The following PATJ variants were observed in gnomAD, a reference collection of about 807,000 sequenced individuals.
The protein encoded by PATJ is inaD-like protein.
Under a neutral mutation model 224.9 loss-of-function variants are expected in PATJ, and 190 were observed. The observed-to-expected ratio is 0.84, with a 90% confidence interval of 0.75 to 0.95. The LOEUF (loss-of-function observed/expected upper bound fraction) is 0.95. Among genes scored for constraint, PATJ ranks in the 40% least tolerant of loss-of-function variants. The pLI is 0.00. For missense variants in PATJ, 2,121 were observed against 2,270.3 expected, an observed-to-expected ratio of 0.93 and a Z score of 1.34; for synonymous variants, 769 against 820.3, an observed-to-expected ratio of 0.94 and a Z score of 1.07.
intron 7 of PATJ, among the ~76,000 whole-genome samples, chr1:61,786,871 A>C (rs1329763965): frequency 6.6e-6 from 1 of 152,044 alleles, no homozygotes; most frequent in African/African-American, 2.4e-5. Context: ...CTGTAATCCC[A>C]GCTGCTCAGG....
At chr1:61,963,586 ACT>A (rs921284292) in intron 27 of PATJ, among the ~76,000 whole-genome samples, 3 of 152,010 alleles carry the variant, frequency 2.0e-5, no homozygotes, top group African/African-American at 4.8e-5. Flanking sequence ...ACAGAGTGAG[ACT>A]CTGTCTCAAA....
chr1:61,972,465 A>G (rs1683115195), intron 27 of PATJ, among the ~76,000 whole-genome samples: 4 of 152,102 alleles, frequency 2.6e-5, no homozygotes. Context: ...TTCATTTAAA[A>G]GTTAAATGTT....
intron 18 of PATJ, among the ~76,000 whole-genome samples, chr1:61,856,706 A>G (rs1663729474): frequency 6.6e-6 from 1 of 152,134 alleles, no homozygotes; most frequent in African/African-American, 2.4e-5. Flanking sequence ...CTCCTGCCTC[A>G]GCCTCTCAAG....
chr1:61,755,535 T>C (rs2148226361), intron 1 of PATJ, among the ~76,000 whole-genome samples: 1 of 152,268 alleles, frequency 6.6e-6, no homozygotes, highest in South Asian at 2.1e-4. Flanking sequence ...ATTATCAGAA[T>C]TACATTTTAA....
chr1:61,924,048 G>C (rs893528330), intron 26 of PATJ, among the ~76,000 whole-genome samples: 1 of 151,636 alleles, frequency 6.6e-6, no homozygotes, highest in Non-Finnish European at 1.5e-5. Flanking sequence ...TTTGCATTAC[G>C]TAGAGTGAAA....
chr1:61,762,811 A>G (rs1338899623), intron 1 of PATJ, 47 bp from the exon 2 acceptor site: 8 of 794,446 alleles, frequency 1.0e-5, no homozygotes, highest in African/African-American at 5.2e-5. Flanking sequence ...GATTGTAGCC[A>G]TATACAATTG....
intron 28 of PATJ, among the ~76,000 whole-genome samples, chr1:62,002,706 T>C (rs1230481120): frequency 4.4e-5 from 4 of 91,948 alleles, no homozygotes; most frequent in Non-Finnish European, 7.8e-5. Flanking sequence ...CGAAACTCTG[T>C]CTCAAAAAAA....
At chr1:61,809,247 G>A (rs1174386128) in intron 14 of PATJ, among the ~76,000 whole-genome samples, 1 of 152,076 alleles carries the variant, frequency 6.6e-6, no homozygotes, top group East Asian at 1.9e-4. Flanking sequence ...CCTTGTAGGC[G>A]GCCTCCTCAA....
chr1:62,136,479 G>T (rs1666879214), intron 41 of PATJ, among the ~76,000 whole-genome samples: 1 of 129,780 alleles, frequency 7.7e-6, no homozygotes, highest in Admixed American at 7.3e-5. Flanking sequence ...GGCTTTTCTT[G>T]TGTGTGTGTG....
intron 28 of PATJ, among the ~76,000 whole-genome samples, chr1:62,016,927 C>T (rs1317609939): frequency 6.6e-6 from 1 of 152,136 alleles, no homozygotes; most frequent in Admixed American, 6.5e-5. Flanking sequence ...TTTAAGGAAT[C>T]TGGGAAAGCT....
At position 62,143,438 on chromosome 1, in the gene PATJ, A is replaced by ATTTTTT. The variant is rs34127211; in HGVS notation, c.5272-4821_5272-4816dup. Among the ~76,000 whole-genome samples the ATTTTTT allele has an allele frequency of 4.4e-4, 33 of 74,318 alleles. 2 individuals are homozygous for ATTTTTT. The highest frequency in any genetic ancestry group is 9.6e-3 in the Middle Eastern group (1 of 104). 48.8% of individuals were successfully genotyped at this position (74,318 alleles called of 152,430 possible). ...TTGGATATCACAGACTAAGCTGGGA[A>ATTTTTT]TTTTTTTTTTTTTTTTTTTTTTTTT... On this transcript the variant is annotated intron_variant, in intron 41 of 43. Coordinates refer to ENST00000642238, the MANE Select transcript of PATJ (RefSeq NM_001350145.3).
At chr1:61,762,451 A>C (rs779757732) in intron 1 of PATJ, among the ~76,000 whole-genome samples, 3 of 152,174 alleles carry the variant, frequency 2.0e-5, no homozygotes, top group Non-Finnish European at 2.9e-5. Context: ...TTTGTAAATA[A>C]AAATGCTGTA....
At chr1:61,826,157 A>G (rs561076978) in intron 15 of PATJ, among the ~76,000 whole-genome samples, 1 of 152,212 alleles carries the variant, frequency 6.6e-6, no homozygotes, top group African/African-American at 2.4e-5. Flanking sequence ...TAAATAATTA[A>G]GAGGCAGGGA....
At chr1:61,773,748 T>C (rs749737141) in intron 6 of PATJ, among the ~76,000 whole-genome samples, 49 of 151,298 alleles carry the variant, frequency 3.2e-4, no homozygotes, top group Non-Finnish European at 3.5e-4. Flanking sequence ...TATGCCACTG[T>C]ACTCCTGCCT....
intron 8 of PATJ, among the ~76,000 whole-genome samples, chr1:61,790,881 TG>T (rs374850439): frequency 1.4e-3 from 218 of 152,302 alleles, no homozygotes; most frequent in African/African-American, 5.1e-3. Context: ...CTGGATGCCC[TG>T]GGGACAGCCC....
In PATJ at chr1:62,123,058, G is replaced by C. The variant is rs780581446; in HGVS notation, c.5043G>C (p.Arg1681Ser). 4 of 1,591,964 alleles carry C rather than the reference G, an allele frequency of 2.5e-6. No homozygotes were observed. In the African/African-American group the frequency reaches 5.4e-5, roughly 21 times the overall value. The stretch of plus-strand genomic sequence containing the variant: ...AACCAAGGACTGTTGAGATAAACAG[G>C]GTAAGTCAGTCATTTTGCTGTATGT... ...DMEPRTVEIN[R>S]ELSDALGISI... The change falls in exon 39 of 44, where the codon AGG (arginine) becomes AGC (serine). Residue 1681 changes from arginine to serine, a missense_variant and splice_region_variant. Coordinates refer to ENST00000642238, the MANE Select transcript of PATJ (RefSeq NM_001350145.3).
In PATJ at chr1:61,914,595, T is replaced by G. The variant is rs867763183; in HGVS notation, c.3501T>G (p.Pro1167=). Residue 1167 remains proline (P), a synonymous_variant, in exon 26 of 44, where the codon CCT becomes CCG. Transcript: ENST00000642238. ...TTTTTTTGTCACCATAGGTCATTCC[T>G]AACGTACATAACAAGGCCAACAAAA... ...QSLSSTPRVI[P]NVHNKANKIT... 9.1e-6 allele frequency: 14 copies of G among 1,531,348 alleles called. No homozygotes were observed. In the Middle Eastern group the frequency reaches 1.3e-3, roughly 148 times the overall value. The allele number at this position is 1,531,348 out of a possible 1,614,324, so 94.9% of individuals were successfully genotyped here. A position where few individuals can be genotyped will look rare whatever the true frequency, so the allele number is the denominator to read the frequency against.
In PATJ at chr1:61,770,911, GAA is replaced by G. The variant is rs560218361; in HGVS notation, c.525-505_525-504del. 1.4e-3 allele frequency among the ~76,000 whole-genome samples: 172 copies of G among 119,550 alleles called. 1 individual carries two copies. In the Middle Eastern group the frequency reaches 0.019, roughly 13 times the overall value. The allele number at this position is 119,550 out of a possible 152,430, so 78.4% of individuals were successfully genotyped here. A position where few individuals can be genotyped will look rare whatever the true frequency, so the allele number is the denominator to read the frequency against. ...GGCAAATAGGAGTGAGACCATGCCT[GAA>G]AAAAAAAAAAAAAAGCTCAGATATA... is the stretch of plus-strand genomic sequence containing the variant. On this transcript the variant is annotated intron_variant, in intron 5 of 43. Coordinates refer to ENST00000642238, the MANE Select transcript of PATJ (RefSeq NM_001350145.3).
At chr1:61,775,102 T>C in intron 6 of PATJ, 104 bp from the exon 7 acceptor site, 2 of 1,193,510 alleles carry the variant, frequency 1.7e-6, no homozygotes, top group Non-Finnish European at 1.2e-6. Flanking sequence ...TGCATGAATG[T>C]TCAATTTGTT....
Sources: gnomAD v4.1 joint callset for allele counts (sites outside exome capture counted in the v4.1 genomes callset) on GRCh38, gnomAD v4.1.1 for gene constraint, MANE v1.5 for transcripts, NCBI Gene and HGNC (gene_info 2026-07-23, HGNC 2026-07-21) for gene names.